Variants in RELB observed in about 807,000 individuals in gnomAD.
The protein encoded by RELB is transcription factor RelB.
RELB carries 14 observed loss-of-function variants against 55.4 expected under a neutral mutation model. The observed-to-expected ratio is 0.25, with a 90% CI of 0.17 to 0.40. RELB has a LOEUF of 0.40. Ranked by LOEUF, RELB falls within the 10% of genes least tolerant of loss-of-function variation. RELB has a pLI of 1.00. For missense variants in RELB, 669 were observed against 830.7 expected, an observed-to-expected ratio of 0.81 and a Z score of 2.39; for synonymous variants, 409 against 371.3, an observed-to-expected ratio of 1.10 and a Z score of -1.17.
chr19:45,015,023 C>G (rs1448798063), intron 4 of RELB, among the ~76,000 whole-genome samples: 2 of 151,814 alleles, frequency 1.3e-5, no homozygotes, highest in Non-Finnish European at 2.9e-5. Flanking sequence ...CTGTCTTAGC[C>G]TCCCAAGTAG....
At position 45,012,166 on chromosome 19, in the gene RELB, C is replaced by A; in HGVS notation, c.394C>A (p.Gln132Lys). 1 of 1,558,088 alleles carries A rather than the reference C, an allele frequency of 6.4e-7. No homozygotes were observed. The highest frequency in any genetic ancestry group is 8.6e-7 in the Non-Finnish European group (1 of 1,162,180). Residue 132 changes from glutamine to lysine, a missense_variant, in exon 4 of 12, where the codon CAG (glutamine) becomes AAG (lysine). Physicochemically the swap from Gln to Lys is moderately conservative, Grantham distance 53. Around this residue, in one of 3 missense-constraint regions of RELB, gnomAD observed 323 missense variants for 368.5 expected, o/e 0.88. Transcript: ENST00000221452. Reference protein sequence around the residue: ...GPQPHLVITEQPKQRGMRFRY... With the variant: ...GPQPHLVITEKPKQRGMRFRY... ...GCAGCCGCACCTGGTCATCACGGAGCAGCCCAAGCAGCGCGGCATGCGCTT... is the reference window on the plus strand; with the variant it reads ...GCAGCCGCACCTGGTCATCACGGAGAAGCCCAAGCAGCGCGGCATGCGCTT...
At chr19:45,006,807 G>A (rs1236398217) in intron 2 of RELB, among the ~76,000 whole-genome samples, 7 of 151,492 alleles carry the variant, frequency 4.6e-5, no homozygotes, top group East Asian at 3.9e-4. Context: ...CTAAAAATAC[G>A]AAAATTAGCT....
chr19:45,023,477 G>T (rs954099504), intron 5 of RELB, among the ~76,000 whole-genome samples: 2 of 148,080 alleles, frequency 1.4e-5, no homozygotes, highest in African/African-American at 5.0e-5. Context: ...TCGCTCTGTC[G>T]CCCAGGCTGG....
In RELB at chr19:45,037,771, C is replaced by T. The variant is rs765542229; in HGVS notation, c.1721C>T (p.Pro574Leu). 9.4e-6 allele frequency: 14 copies of T among 1,486,168 alleles called. No individual in the cohort carries two copies. In the Admixed American group the frequency reaches 1.5e-4, roughly 16 times the overall value. 92.1% of individuals were successfully genotyped at this position (1,486,168 alleles called of 1,614,324 possible). A position where few individuals can be genotyped will look rare whatever the true frequency, so the allele number is the denominator to read the frequency against. The change falls in exon 12 of 12, where the codon CCG becomes CTG. Residue 574 changes from proline to leucine, a missense_variant. By Grantham distance (98) the Pro-to-Leu change is moderately conservative. This residue lies in a region of RELB where 341 missense variants were observed against 436.8 expected (regional missense o/e 0.78). Coordinates refer to ENST00000221452, the MANE Select transcript of RELB (RefSeq NM_006509.4). The stretch of plus-strand genomic sequence containing the variant: ...GCCTTTGGGGGCGGCCTCCTATCCC[C>T]GGGGCCTGAAGCCACGTAGCCCCGC... ...EAAFGGGLLS[P>L]GPEAT
intron 3 of RELB, among the ~76,000 whole-genome samples, chr19:45,011,453 C>A (rs897435313): frequency 6.6e-6 from 1 of 151,828 alleles, no homozygotes; most frequent in African/African-American, 2.4e-5. Context: ...TGAGCCACCG[C>A]GCCCAGCCTA....
At chr19:45,003,915 G>GTGT (rs1555724872) in intron 2 of RELB, among the ~76,000 whole-genome samples, 19 of 63,574 alleles carry the variant, frequency 3.0e-4, no homozygotes, top group Non-Finnish European at 4.8e-4. Context: ...TGTTTTTTGT[G>GTGT]TTTTTTTTTT....
Position 45,021,868 on chromosome 19 carries a change from C to T in RELB, c.505-185C>T, listed in dbSNP as rs1600074806. ...GGGATTGCAGGCGTGAGCCACCTCG[C>T]CCGGCCCAAAGTGGTCTTAAGCAAA... On this transcript the variant is annotated intron_variant, in intron 4 of 11. Coordinates refer to ENST00000221452, the MANE Select transcript of RELB (RefSeq NM_006509.4). 1.8e-5 allele frequency: 10 copies of T among 546,574 alleles called. No individual in the cohort carries two copies. The East Asian group carries it at 3.3e-4, about 18-fold the overall frequency. 33.9% of individuals were successfully genotyped at this position (546,574 alleles called of 1,614,324 possible). A position where few individuals can be genotyped will look rare whatever the true frequency, so the allele number is the denominator to read the frequency against.
chr19:45,027,957 T>C (rs756053505), intron 7 of RELB, among the ~76,000 whole-genome samples: 1 of 152,184 alleles, frequency 6.6e-6, no homozygotes, highest in African/African-American at 2.4e-5. Flanking sequence ...CATAGCTTAC[T>C]GCAGCCTGAA....
intron 8 of RELB, 57 bp downstream of exon 8, chr19:45,029,049 T>C (rs1365000197): frequency 1.3e-5 from 16 of 1,201,302 alleles, no homozygotes; most frequent in Non-Finnish European, 1.9e-5. Flanking sequence ...CTTGGAGGGG[T>C]AGCCAGGGAG....
At position 45,034,453 on chromosome 19, in the gene RELB, C is replaced by A; in HGVS notation, c.1279C>A (p.Pro427Thr). The change falls in exon 11 of 12, where the codon CCC (proline) becomes ACC (threonine). Residue 427 changes from proline (P) to threonine (T), a missense_variant and splice_region_variant. Pro to Thr is a conservative substitution (Grantham distance 38). This residue lies in a region of RELB where 341 missense variants were observed against 436.8 expected (regional missense o/e 0.78). Transcript: ENST00000221452. ...DVLGELNSSDPHGIESKRRKK... is the reference protein window; with the variant it reads ...DVLGELNSSDTHGIESKRRKK... ...TCCTCATCTCTGCCTTCCCTCAGAC[C>A]CCCATGGCATCGAGAGCAAACGGCG... The A allele has an allele frequency of 6.2e-7, 1 of 1,612,202 alleles. No homozygotes were observed. The highest frequency in any genetic ancestry group is 1.7e-5 in the Admixed American group (1 of 59,622).
intron 2 of RELB, among the ~76,000 whole-genome samples, chr19:45,007,179 CACAT>C (rs1971292277): frequency 6.6e-6 from 1 of 152,008 alleles, no homozygotes; most frequent in African/African-American, 2.4e-5. Flanking sequence ...GCTGAGGCAG[CACAT>C]ACATAGTCAA....
intron 4 of RELB, among the ~76,000 whole-genome samples, chr19:45,014,168 C>CTTTTTTTTTTTTT (rs113601074): frequency 7.9e-6 from 1 of 126,806 alleles, no homozygotes; most frequent in African/African-American, 3.1e-5. Flanking sequence ...ATTTCTAAGG[C>CTTTTTTTTTTTTT]TTTTTTTTTT....
At chr19:45,011,793 TGTGTGAGAGAGAGAGA>T (rs1176416408) in intron 3 of RELB, 127 bp from the exon 4 acceptor site, 3 of 228,042 alleles carry the variant, frequency 1.3e-5, no homozygotes, top group African/African-American at 1.2e-4. Context: ...TGTGTGTGTG[TGTGTGAGAGAGAGAGA>T]GAGAGAGAGA....
chr19:45,037,568 C>G lies in RELB; in HGVS notation c.1518C>G (p.Pro506=). 6.2e-7 allele frequency: 1 copy of G among 1,612,770 alleles called. No individual in the cohort carries two copies. Among genetic ancestry groups the G allele is most frequent in the Non-Finnish European group, 8.5e-7 (1 of 1,179,446 alleles). The change falls in exon 12 of 12, where the codon CCC becomes CCG. Residue 506 remains proline (P), a synonymous_variant. Transcript: ENST00000221452. ...PTLFTMLDLL[P]PAPPHASAVV... The stretch of plus-strand genomic sequence containing the variant: ...TCTTCACCATGCTGGACCTGCTGCC[C>G]CCGGCACCGCCACACGCTAGCGCTG...
intron 5 of RELB, among the ~76,000 whole-genome samples, chr19:45,022,696 C>T (rs186969443): frequency 3.4e-4 from 51 of 151,826 alleles, no homozygotes; most frequent in African/African-American, 1.2e-3. Flanking sequence ...TACAGGCATG[C>T]GACACTACAC....
At chr19:45,001,862 G>A (rs1480813969) in intron 1 of RELB, among the ~76,000 whole-genome samples, 177 bp downstream of exon 1, 1 of 152,156 alleles carries the variant, frequency 6.6e-6, no homozygotes, top group Admixed American at 6.6e-5. Context: ...GGTGATGAGG[G>A]GGTACGGCCC....
chr19:45,008,644 A>C (rs1275106490), intron 2 of RELB: 5 of 418,348 alleles, frequency 1.2e-5, no homozygotes, highest in Non-Finnish European at 2.4e-5. Flanking sequence ...CAGGAAAACT[A>C]CCTTTCAAGG....
At position 45,032,710 on chromosome 19, in the gene RELB, A is replaced by C. The variant is rs780229030; in HGVS notation, c.1168A>C (p.Ser390Arg). The C allele has an allele frequency of 6.2e-7, 1 of 1,609,080 alleles. No homozygotes were observed. The highest frequency in any genetic ancestry group is 8.5e-7 in the Non-Finnish European group (1 of 1,178,016). The change falls in exon 9 of 12, where the codon AGC becomes CGC. Residue 390 changes from serine (S) to arginine (R), a missense_variant. Coordinates refer to ENST00000221452, the MANE Select transcript of RELB (RefSeq NM_006509.4). ...FLQRLTDGVC[S>R]EPLPFTYLPR... is the part of the protein sequence containing the mutation. ...GCAGCGGCTCACCGATGGGGTCTGCAGCGAGCCATTGCCTTTCACGTACCT... is the reference window on the plus strand; with the variant it reads ...GCAGCGGCTCACCGATGGGGTCTGCCGCGAGCCATTGCCTTTCACGTACCT...
At chr19:45,004,789 C>A (rs1338677291) in intron 2 of RELB, among the ~76,000 whole-genome samples, 1 of 151,594 alleles carries the variant, frequency 6.6e-6, no homozygotes, top group African/African-American at 2.4e-5. Flanking sequence ...ATCACTTGAA[C>A]CTGGGAGGTG....
Sources: gnomAD v4.1 joint callset for allele counts (sites outside exome capture counted in the v4.1 genomes callset) on GRCh38, gnomAD v4.1.1 for gene constraint, gnomAD v4.1.1 regional missense constraint, MANE v1.5 for transcripts, NCBI Gene and HGNC (gene_info 2026-07-23, HGNC 2026-07-21) for gene names.